The following NPHP1 variants were observed in gnomAD, a reference collection of about 807,000 sequenced individuals.
NPHP1 encodes the protein nephrocystin-1.
Under a neutral mutation model 90.4 loss-of-function variants are expected in NPHP1, and 70 were observed. That is an observed-to-expected ratio of 0.77 (90% CI 0.64 to 0.95). The LOEUF (loss-of-function observed/expected upper bound fraction) is 0.95. NPHP1 is among the 40% of genes least tolerant of loss of function. NPHP1 has a pLI of 0.00. For missense variants in NPHP1, 764 were observed against 795.9 expected (o/e 0.96, Z 0.48); for synonymous variants, 256 against 271.7 (o/e 0.94, Z 0.57).
intron 2 of NPHP1, among the ~76,000 whole-genome samples, chr2:110,180,077 T>C (rs985280953): frequency 2.0e-5 from 3 of 152,146 alleles, no homozygotes; most frequent in African/African-American, 7.2e-5. Flanking sequence ...TTTACAAACA[T>C]TACCTCATTT....
intron 11 of NPHP1, 63 bp from the exon 12 acceptor site, chr2:110,150,319 T>A: frequency 6.7e-7 from 1 of 1,485,618 alleles, no homozygotes; most frequent in Non-Finnish European, 9.4e-7. Flanking sequence ...ACCATTTCCA[T>A]GTCCCAAAGA....
intron 2 of NPHP1, among the ~76,000 whole-genome samples, chr2:110,181,059 C>T (rs1476302735): frequency 6.6e-6 from 1 of 152,192 alleles, no homozygotes; most frequent in African/African-American, 2.4e-5. Context: ...ATGGCCCCCA[C>T]TTCCATGGCA....
At chr2:110,134,363 A>G (rs1404695605) in intron 16 of NPHP1, among the ~76,000 whole-genome samples, 1 of 152,032 alleles carries the variant, frequency 6.6e-6, no homozygotes, top group African/African-American at 2.4e-5. Flanking sequence ...CTCCTGATAA[A>G]GAAAAGCCCA....
intron 2 of NPHP1, 51 bp downstream of exon 2, chr2:110,201,370 T>G: frequency 2.6e-6 from 3 of 1,133,500 alleles, no homozygotes; most frequent in Non-Finnish European, 4.0e-6. Context: ...TACTATGCAT[T>G]GAAATGTAAG....
intron 14 of NPHP1, among the ~76,000 whole-genome samples, chr2:110,146,054 T>A (rs1314484038): frequency 6.6e-6 from 1 of 152,208 alleles, no homozygotes; most frequent in Admixed American, 6.5e-5. Context: ...GAAATCCACC[T>A]ACAGTTACAT....
chr2:110,192,612 A>C (rs550224724), intron 2 of NPHP1, among the ~76,000 whole-genome samples: 1 of 152,192 alleles, frequency 6.6e-6, no homozygotes, highest in Non-Finnish European at 1.5e-5. Flanking sequence ...AACTTCCCCA[A>C]TCTAGCAAGG....
intron 2 of NPHP1, among the ~76,000 whole-genome samples, chr2:110,199,402 A>G (rs1172148405): frequency 6.7e-6 from 1 of 150,098 alleles, no homozygotes; most frequent in Non-Finnish European, 1.5e-5. Flanking sequence ...ACAGAGTGAG[A>G]CTCCATCTTA....
At chr2:110,139,583 G>A (rs1680479195) in intron 16 of NPHP1, among the ~76,000 whole-genome samples, 1 of 152,146 alleles carries the variant, frequency 6.6e-6, no homozygotes, top group African/African-American at 2.4e-5. Context: ...GTGTAGGACT[G>A]CTGGCTGAGT....
At chr2:110,172,608 C>G (rs1478179512) in intron 4 of NPHP1, among the ~76,000 whole-genome samples, 1 of 152,036 alleles carries the variant, frequency 6.6e-6, no homozygotes, top group Non-Finnish European at 1.5e-5. Flanking sequence ...TAGTGAGACC[C>G]TGCCTCTACA....
intron 18 of NPHP1, chr2:110,128,785 C>A: frequency 4.2e-6 from 1 of 237,404 alleles, no homozygotes; most frequent in Non-Finnish European, 8.3e-6. Context: ...TAACATAACA[C>A]TCAACAGTTA....
intron 11 of NPHP1, among the ~76,000 whole-genome samples, chr2:110,153,315 T>G (rs946132720): frequency 1.3e-4 from 20 of 152,098 alleles, no homozygotes; most frequent in Admixed American, 5.9e-4. Flanking sequence ...TTAAAGGAGA[T>G]TCTCTAAATA....
rs374704098 is a variant in NPHP1 at position 110,130,072 on chromosome 2, A to G, written c.1643-813T>C. ...ACTGTGCCATCACGTGGCTGAAGGC[A>G]AAAGGGTGAGACGAATTCCCTTGTC... is the stretch of plus-strand genomic sequence containing the variant. On this transcript the variant is annotated intron_variant, in intron 17 of 19. Transcript: ENST00000445609. Among the ~76,000 whole-genome samples the G allele has an allele frequency of 6.6e-5, 10 of 152,280 alleles. No homozygotes were observed. The East Asian group carries it at 1.7e-3, about 27-fold the overall frequency.
chr2:110,136,849 A>G (rs947544873), intron 16 of NPHP1, among the ~76,000 whole-genome samples: 1 of 152,188 alleles, frequency 6.6e-6, no homozygotes, highest in Non-Finnish European at 1.5e-5. Flanking sequence ...GAACCAAAAA[A>G]GAGCCCGCAT....
intron 8 of NPHP1, chr2:110,163,951 G>A (rs541733753): frequency 1.3e-5 from 2 of 156,540 alleles, no homozygotes; most frequent in East Asian, 1.9e-4. Flanking sequence ...GTGAGCCACT[G>A]TGCCCATGAG....
rs1217477370 is a variant in NPHP1, at chr2:110,147,997, A to G, written c.1188T>C (p.Asp396=). The change falls in exon 13 of 20, where the codon GAT becomes GAC. Residue 396 remains aspartate, a synonymous_variant. Coordinates refer to ENST00000445609, the MANE Select transcript of NPHP1 (RefSeq NM_001128178.3). ...AATTAGACCTGATAAAGCAATCACCATCAAGCAAACATGGTAAGATGCGAG... is the reference window on the plus strand; with the variant it reads ...AATTAGACCTGATAAAGCAATCACCGTCAAGCAAACATGGTAAGATGCGAG... ...QVTRILPCLL[D]GDCFIRSNSA... is the part of the protein sequence containing the mutation. 16 of 1,610,012 alleles carry G rather than the reference A, an allele frequency of 9.9e-6. No homozygotes were observed. The highest frequency in any genetic ancestry group is 2.2e-5 in the South Asian group (2 of 91,000).
At chr2:110,134,136 C>A (rs1478670892) in intron 16 of NPHP1, among the ~76,000 whole-genome samples, 4 of 151,972 alleles carry the variant, frequency 2.6e-5, no homozygotes, top group Non-Finnish European at 1.5e-5. Context: ...AAGGAACACT[C>A]AACTAAAATC....
At chr2:110,151,816 G>C (rs1393590432) in intron 11 of NPHP1, among the ~76,000 whole-genome samples, 1 of 152,108 alleles carries the variant, frequency 6.6e-6, no homozygotes, top group African/African-American at 2.4e-5. Flanking sequence ...TTCAAGAAAT[G>C]TTTTCTACTT....
At chr2:110,186,991 C>T (rs1253507541) in intron 2 of NPHP1, among the ~76,000 whole-genome samples, 6 of 152,000 alleles carry the variant, frequency 3.9e-5, no homozygotes, top group Non-Finnish European at 7.4e-5. Context: ...AAAGAGACAA[C>T]GTATCAGAAT....
Position 110,169,944 on chromosome 2 carries a change from G to A in NPHP1, c.384C>T (p.Asp128=), listed in dbSNP as rs1442210388. 6.2e-7 allele frequency: 1 copy of A among 1,604,562 alleles called. No individual in the cohort carries two copies. Among genetic ancestry groups the A allele is most frequent in the South Asian group, 1.1e-5 (1 of 90,888 alleles). Reference sequence around the variant, plus strand: ...CTGCATCTTCTTCCTCCCCACCACTGTCTTCACTATCTTCACTTTCACTTT... The same window carrying A: ...CTGCATCTTCTTCCTCCCCACCACTATCTTCACTATCTTCACTTTCACTTT... ...EEESESEDSE[D]SGGEEEDAEE... Residue 128 remains aspartate, a synonymous_variant, in exon 5 of 20, where the codon GAC becomes GAT. Coordinates refer to ENST00000445609, the MANE Select transcript of NPHP1 (RefSeq NM_001128178.3).
Sources: allele counts gnomAD v4.1 joint callset (sites outside exome capture counted in the v4.1 genomes callset), GRCh38; gene constraint gnomAD v4.1.1; transcripts MANE v1.5; gene names NCBI Gene and HGNC (gene_info 2026-07-23, HGNC 2026-07-21).